ATXN10: variants seen among roughly 807,000 people sequenced by gnomAD.
The protein encoded by ATXN10 is ataxin-10.
ATXN10 carries 28 observed loss-of-function variants against 52.9 expected under a neutral mutation model. The observed-to-expected ratio is 0.53, with a 90% CI of 0.39 to 0.73. The LOEUF (loss-of-function observed/expected upper bound fraction) is 0.73. ATXN10 is among the 30% of genes least tolerant of loss of function. The pLI is 0.00. For synonymous variants in ATXN10, 226 were observed against 221.5 expected (o/e 1.02, Z -0.18); for missense variants, 565 against 577.0 (o/e 0.98, Z 0.21).
Position 45,769,161 on chromosome 22 carries a change from A to T in ATXN10, c.1173+28623A>T, listed in dbSNP as rs1028198333. 2.6e-5 allele frequency among the ~76,000 whole-genome samples: 4 copies of T among 151,870 alleles called. No individual in the cohort carries two copies. The highest frequency in any genetic ancestry group is 9.7e-5 in the African/African-American group (4 of 41,326). On this transcript the variant is annotated intron_variant, in intron 9 of 11. Transcript: ENST00000252934. This position sits in a 1 kb window ranked among gnomAD's most constrained non-coding sequence, Gnocchi z 4.2. ...TTTTCATTTAAAAAAATGGTTAAAA[A>T]TTTTTAAAGAGTTGTTATTGTTGTT...
chr22:45,830,418 ATG>A (rs765546447), intron 10 of ATXN10, among the ~76,000 whole-genome samples: 4 of 152,252 alleles, frequency 2.6e-5, no homozygotes, highest in Non-Finnish European at 4.4e-5. Context: ...CAGAGTGAAA[ATG>A]TAATCCACAG....
chr22:45,756,243 C>T (rs117231074), intron 9 of ATXN10, among the ~76,000 whole-genome samples: 7,059 of 152,220 alleles, frequency 0.046, 189 homozygotes, highest in Non-Finnish European at 0.06. Context: ...CTCCTGGGCT[C>T]AAGGGATCCT....
chr22:45,680,251 T>A (rs1922865284), intron 1 of ATXN10: 1 of 152,196 alleles, frequency 6.6e-6, no homozygotes, highest in Admixed American at 6.5e-5. Flanking sequence ...ACAGTTTAAG[T>A]GTTAGCGTTT....
chr22:45,827,600 A>G (rs1200621497), intron 10 of ATXN10, among the ~76,000 whole-genome samples: 2 of 152,242 alleles, frequency 1.3e-5, no homozygotes, highest in Non-Finnish European at 2.9e-5. Context: ...AGAAGATACA[A>G]CAGATATAAA....
chr22:45,796,788 T>G (rs757890658), intron 9 of ATXN10, among the ~76,000 whole-genome samples: 1 of 152,202 alleles, frequency 6.6e-6, no homozygotes, highest in Non-Finnish European at 1.5e-5. Context: ...CGTGAGCCAC[T>G]GTGCCTGGCC....
chr22:45,840,236 C>G lies in ATXN10; in HGVS notation c.1238-2755C>G, dbSNP rs539229076. On this transcript the variant is annotated intron_variant, in intron 10 of 11. Transcript: ENST00000252934. This position sits in a 1 kb window ranked among gnomAD's most constrained non-coding sequence, Gnocchi z 5.8. ...TTTGTGCTGGGAACGAGACTCGGTG[C>G]TAGGATATCGAAGTCAATTAGATGG... Among the ~76,000 whole-genome samples the G allele has an allele frequency of 6.6e-6, 1 of 152,210 alleles. No homozygotes were observed. The highest frequency in any genetic ancestry group is 1.9e-4 in the East Asian group (1 of 5,160).
chr22:45,788,614 T>C (rs183197083), intron 9 of ATXN10, among the ~76,000 whole-genome samples: 2 of 152,142 alleles, frequency 1.3e-5, no homozygotes, highest in Non-Finnish European at 2.9e-5. Context: ...TCCAAGACTT[T>C]ATATTCCACC....
chr22:45,747,595 G>C (rs1203040077), intron 9 of ATXN10, among the ~76,000 whole-genome samples: 1 of 152,180 alleles, frequency 6.6e-6, no homozygotes, highest in African/African-American at 2.4e-5. Flanking sequence ...ATCCACGTGT[G>C]TGCTGTTTAT....
chr22:45,690,833 G>T lies in ATXN10; in HGVS notation c.308+930G>T, dbSNP rs925227013. On this transcript the variant is annotated intron_variant, in intron 2 of 11. Transcript: ENST00000252934. This position sits in a 1 kb window ranked among gnomAD's most constrained non-coding sequence, Gnocchi z 4.5. ...TTTCTTCTTTGATTTTGTGGAACCTGCTTTTTATTAAAAATTTTTACTTGA... is the reference window on the plus strand; with the variant it reads ...TTTCTTCTTTGATTTTGTGGAACCTTCTTTTTATTAAAAATTTTTACTTGA... Among the ~76,000 whole-genome samples the T allele has an allele frequency of 2.0e-5, 3 of 152,266 alleles. No homozygotes were observed. The highest frequency in any genetic ancestry group is 2.1e-4 in the South Asian group (1 of 4,820).
chr22:45,795,474 GATCTCAGCTCACTGCA>G lies in ATXN10; in HGVS notation c.1174-11483_1174-11468del, dbSNP rs1276171839. Among the ~76,000 whole-genome samples the G allele has an allele frequency of 6.6e-6, 1 of 151,248 alleles. No individual in the cohort carries two copies. Among genetic ancestry groups the G allele is most frequent in the East Asian group, 1.9e-4 (1 of 5,140 alleles). ...TGCCCAGGCTGGAGTGCAGTGGCGC[GATCTCAGCTCACTGCA>G]ACCTCTGCCTACCAGGTTCAAGCAA... On this transcript the variant is annotated intron_variant, in intron 9 of 11. Transcript: ENST00000252934. This position sits in a 1 kb window ranked among gnomAD's most constrained non-coding sequence, Gnocchi z 4.6.
chr22:45,758,986 A>G (rs1393478951), intron 9 of ATXN10, among the ~76,000 whole-genome samples: 1 of 152,242 alleles, frequency 6.6e-6, no homozygotes, highest in Non-Finnish European at 1.5e-5. Flanking sequence ...AGAGTTAACA[A>G]GATTTAATGT....
chr22:45,765,909 C>CA (rs1417795197), intron 9 of ATXN10, among the ~76,000 whole-genome samples: 7 of 152,036 alleles, frequency 4.6e-5, no homozygotes, highest in African/African-American at 1.7e-4. Context: ...AATAAATGAG[C>CA]AGTAATAGCC....
At chr22:45,717,152 G>C (rs1924479407) in intron 5 of ATXN10, among the ~76,000 whole-genome samples, 1 of 151,904 alleles carries the variant, frequency 6.6e-6, no homozygotes, top group Admixed American at 6.6e-5. Context: ...TAGCCTGTTT[G>C]ATCTTCTTGC....
rs181143770 is a variant in ATXN10, at chr22:45,734,924, G to T, written c.895-3807G>T. 3.0e-3 allele frequency among the ~76,000 whole-genome samples: 445 copies of T among 149,110 alleles called. 2 individuals are homozygous for T. Among genetic ancestry groups the T allele is most frequent in the South Asian group, 9.1e-3 (43 of 4,722 alleles). On this transcript the variant is annotated intron_variant, in intron 7 of 11. Coordinates refer to ENST00000252934, the MANE Select transcript of ATXN10 (RefSeq NM_013236.4). ...TTTTGAGATAGAGTCTTGCTCTGTT[G>T]CCCAGGCTGGAATGCAGAGGTGTGG...
chr22:45,751,585 T>C (rs1322695572), intron 9 of ATXN10, among the ~76,000 whole-genome samples: 1 of 152,092 alleles, frequency 6.6e-6, no homozygotes, highest in Non-Finnish European at 1.5e-5. Context: ...CAGCTCTTAC[T>C]GAGTGCTTGA....
chr22:45,682,903 A>C (rs1260751497), intron 1 of ATXN10, among the ~76,000 whole-genome samples: 1 of 152,162 alleles, frequency 6.6e-6, no homozygotes, highest in Admixed American at 6.5e-5. Context: ...CCTCTGCTCC[A>C]AAAACAGCCC....
intron 1 of ATXN10, among the ~76,000 whole-genome samples, chr22:45,685,375 A>T (rs1923095659): frequency 6.6e-6 from 1 of 152,162 alleles, no homozygotes; most frequent in African/African-American, 2.4e-5. Context: ...TTGTAATAGG[A>T]ATGTCTAACG....
intron 2 of ATXN10, among the ~76,000 whole-genome samples, chr22:45,691,888 G>T (rs9626425): frequency 0.056 from 8,509 of 151,768 alleles, 735 homozygotes; most frequent in African/African-American, 0.19. Context: ...GTGAGACTCC[G>T]TCTCAAAAAA....
intron 10 of ATXN10, chr22:45,811,589 AGGGTATACCATACC>A (rs1928281583): frequency 2.6e-6 from 1 of 391,090 alleles, no homozygotes; most frequent in African/African-American, 2.1e-5. Context: ...TAGAAGCAGT[AGGGTATACCATACC>A]GCCTGGGTGT....
Sources: allele counts gnomAD v4.1 joint callset (sites outside exome capture counted in the v4.1 genomes callset), GRCh38; gene constraint gnomAD v4.1.1; non-coding constraint Gnocchi (gnomAD v3.1); transcripts MANE v1.5; gene names NCBI Gene and HGNC (gene_info 2026-07-23, HGNC 2026-07-21).